Variants in OPCML observed in about 807,000 individuals in gnomAD.
OPCML encodes opioid-binding protein/cell adhesion molecule.
OPCML carries 13 observed loss-of-function variants against 37.8 expected under a neutral mutation model. The observed-to-expected ratio is 0.34, with a 90% CI of 0.22 to 0.55. OPCML has a LOEUF of 0.55. Ranked by LOEUF, OPCML falls within the 20% of genes least tolerant of loss-of-function variation. The pLI, the probability that OPCML is intolerant of heterozygous loss-of-function variation, is 0.91. For missense variants in OPCML, 341 were observed against 435.6 expected, an observed-to-expected ratio of 0.78 and a Z score of 1.93; for synonymous variants, 176 against 168.8, an observed-to-expected ratio of 1.04 and a Z score of -0.33.
intron 1 of OPCML, among the ~76,000 whole-genome samples, chr11:133,147,044 C>A (rs1248184383): frequency 6.6e-6 from 1 of 152,188 alleles, no homozygotes; most frequent in Non-Finnish European, 1.5e-5. Context: ...AAGGCAGCCC[C>A]ATCAAATATT....
At chr11:133,014,674 C>A (rs930682373) in intron 1 of OPCML, among the ~76,000 whole-genome samples, 1 of 152,246 alleles carries the variant, frequency 6.6e-6, no homozygotes, top group African/African-American at 2.4e-5. Flanking sequence ...CCTGGGGAGA[C>A]AAGCTGCAAG....
intron 1 of OPCML, among the ~76,000 whole-genome samples, chr11:133,315,333 A>T (rs1480951944): frequency 6.6e-6 from 1 of 152,216 alleles, no homozygotes; most frequent in African/African-American, 2.4e-5. Flanking sequence ...TGCTTATAAA[A>T]TCGCCTTGAC....
chr11:132,980,062 CCA>C (rs1161694824), intron 1 of OPCML, among the ~76,000 whole-genome samples: 1 of 152,096 alleles, frequency 6.6e-6, no homozygotes, highest in East Asian at 1.9e-4. Context: ...AGAGCAGAAG[CCA>C]CACTATAGTG....
chr11:132,901,272 G>T (rs1944052808), intron 2 of OPCML, among the ~76,000 whole-genome samples: 1 of 152,114 alleles, frequency 6.6e-6, no homozygotes, highest in Non-Finnish European at 1.5e-5. Flanking sequence ...GCAGTATAGT[G>T]CCTCACATCC....
chr11:132,890,728 G>A (rs1943609488), intron 2 of OPCML, among the ~76,000 whole-genome samples: 1 of 149,904 alleles, frequency 6.7e-6, no homozygotes, highest in Admixed American at 6.6e-5. Flanking sequence ...GTGGTGGTGG[G>A]CGCCTGTAGT....
intron 2 of OPCML, among the ~76,000 whole-genome samples, chr11:132,918,900 C>CTTTG (rs1355472024): frequency 6.6e-6 from 1 of 152,148 alleles, no homozygotes; most frequent in Non-Finnish European, 1.5e-5. Flanking sequence ...GTTGTCTTAT[C>CTTTG]TTTGGACACT....
chr11:133,522,621 C>T (rs1287694081), intron 1 of OPCML, among the ~76,000 whole-genome samples: 2 of 152,130 alleles, frequency 1.3e-5, no homozygotes, highest in Non-Finnish European at 2.9e-5. Context: ...GTCCGTTTTC[C>T]AGCAGCGTAA....
chr11:133,110,339 G>A (rs1949230693), intron 1 of OPCML, among the ~76,000 whole-genome samples: 1 of 152,176 alleles, frequency 6.6e-6, no homozygotes, highest in Admixed American at 6.5e-5. Context: ...GGTACCAGGA[G>A]CACCTTACAT....
In OPCML at chr11:132,530,674, C is replaced by T. The variant is rs148498098; in HGVS notation, c.380-1488G>A. The stretch of plus-strand genomic sequence containing the variant: ...TTCCTCTAACACAGCACATGGCACA[C>T]ACTCTACCAGGTTTAACAAGCAAAC... On this transcript the variant is annotated intron_variant, in intron 3 of 7. Coordinates refer to ENST00000524381, the MANE Select transcript of OPCML (RefSeq NM_001012393.5). Among the ~76,000 whole-genome samples the T allele has an allele frequency of 3.8e-3, 583 of 151,924 alleles. 4 individuals carry two copies. The highest frequency in any genetic ancestry group is 0.01 in the African/African-American group (425 of 41,426).
intron 2 of OPCML, among the ~76,000 whole-genome samples, chr11:132,696,404 T>A (rs1401064861): frequency 6.6e-6 from 1 of 152,034 alleles, no homozygotes; most frequent in Non-Finnish European, 1.5e-5. Context: ...AAGGCTAAGA[T>A]AAACAAAGAA....
intron 3 of OPCML, among the ~76,000 whole-genome samples, chr11:132,649,578 A>T (rs1244245637): frequency 6.6e-6 from 1 of 152,076 alleles, no homozygotes; most frequent in Non-Finnish European, 1.5e-5. Flanking sequence ...TATGTGTTAT[A>T]GAGGGTATTC....
intron 1 of OPCML, among the ~76,000 whole-genome samples, chr11:132,975,580 A>G: frequency 8.4e-6 from 1 of 118,974 alleles, no homozygotes; most frequent in African/African-American, 3.2e-5. Context: ...AAAAAAAAAA[A>G]AAACAAGCAC....
chr11:133,298,701 C>A (rs929711342), intron 1 of OPCML: 11 of 152,262 alleles, frequency 7.2e-5, no homozygotes, highest in African/African-American at 2.6e-4. Context: ...GATTCCTGGC[C>A]TGCTCACCAG....
chr11:132,913,989 C>A lies in OPCML; in HGVS notation c.146+28937G>T, dbSNP rs111319796. 8.9e-4 allele frequency among the ~76,000 whole-genome samples: 136 copies of A among 152,290 alleles called. 1 individual carries two copies. The highest frequency in any genetic ancestry group is 3.1e-3 in the African/African-American group (128 of 41,556). ...CTATTGGCATAACATCCTATCAGTG[C>A]AGTTAATTACATCCACTTGGAGTGT... On this transcript the variant is annotated intron_variant, in intron 2 of 7. Coordinates refer to ENST00000524381, the MANE Select transcript of OPCML (RefSeq NM_001012393.5).
At chr11:132,478,461 G>A (rs988635273) in intron 4 of OPCML, among the ~76,000 whole-genome samples, 2 of 152,054 alleles carry the variant, frequency 1.3e-5, no homozygotes, top group African/African-American at 4.8e-5. Flanking sequence ...GACAGATAAC[G>A]GGATACACAA....
At chr11:133,076,744 C>T (rs1948627223) in intron 1 of OPCML, among the ~76,000 whole-genome samples, 1 of 152,052 alleles carries the variant, frequency 6.6e-6, no homozygotes, top group African/African-American at 2.4e-5. Context: ...GATGCGGAAG[C>T]TCAGAGAAGC....
chr11:133,345,310 C>T (rs1943972372), intron 1 of OPCML, among the ~76,000 whole-genome samples: 1 of 152,186 alleles, frequency 6.6e-6, no homozygotes. Context: ...GCAGAGGCAG[C>T]AGCCAAATGT....
At chr11:132,442,114 A>G (rs566862621) in intron 4 of OPCML, among the ~76,000 whole-genome samples, 1 of 152,308 alleles carries the variant, frequency 6.6e-6, no homozygotes, top group South Asian at 2.1e-4. Flanking sequence ...GGGGGCAGAG[A>G]CAATATGGAA....
At chr11:133,314,197 T>TGCAC (rs1235045217) in intron 1 of OPCML, among the ~76,000 whole-genome samples, 3 of 116,214 alleles carry the variant, frequency 2.6e-5, no homozygotes, top group Non-Finnish European at 4.8e-5. Context: ...ATCGCGCCAC[T>TGCAC]GCACTCCAGC....
Sources: gnomAD v4.1 joint callset for allele counts (sites outside exome capture counted in the v4.1 genomes callset) on GRCh38, gnomAD v4.1.1 for gene constraint, MANE v1.5 for transcripts, NCBI Gene and HGNC (gene_info 2026-07-23, HGNC 2026-07-21) for gene names.